REEP1: variants seen among roughly 807,000 people sequenced by gnomAD.
REEP1 encodes receptor expression-enhancing protein 1.
In REEP1, 22 loss-of-function variants were observed where a neutral mutation model predicts 40.3. The ratio of observed to expected loss-of-function variants is 0.55; its 90% CI spans 0.39 to 0.78. REEP1 has a LOEUF of 0.78. REEP1 is among the 30% of genes least tolerant of loss of function. REEP1 has a pLI of 0.00. For missense variants in REEP1, 280 were observed against 361.1 expected (o/e 0.78, Z 1.82); for synonymous variants, 116 against 139.2 (o/e 0.83, Z 1.17).
intron 1 of REEP1, among the ~76,000 whole-genome samples, chr2:86,320,231 A>C (rs2104512655): frequency 6.6e-6 from 1 of 152,358 alleles, no homozygotes; most frequent in Middle Eastern, 3.4e-3. Flanking sequence ...TCCCCTGAAA[A>C]CTTGTAACCA....
At chr2:86,295,690 C>A (rs1227669682) in intron 1 of REEP1, among the ~76,000 whole-genome samples, 2 of 152,120 alleles carry the variant, frequency 1.3e-5, no homozygotes, top group Non-Finnish European at 2.9e-5. Context: ...CAGGCGCCCA[C>A]CACCACGCCC....
chr2:86,288,896 AT>A (rs1424979693), intron 1 of REEP1, among the ~76,000 whole-genome samples: 3 of 152,182 alleles, frequency 2.0e-5, no homozygotes, highest in African/African-American at 7.2e-5. Flanking sequence ...CCTTTTGGCC[AT>A]TTGGGCTGCT....
chr2:86,330,414 GGTGTGT>G (rs55660803), intron 1 of REEP1, among the ~76,000 whole-genome samples: 8,244 of 127,796 alleles, frequency 0.065, 696 homozygotes, highest in African/African-American at 0.19. Context: ...AGTGAATCCT[GGTGTGT>G]GTGTGTGTGT....
intron 5 of REEP1, 70 bp from the exon 6 acceptor site, chr2:86,232,872 A>T (rs1675109876): frequency 1.4e-6 from 2 of 1,479,876 alleles, no homozygotes. Context: ...AAAGGCCAAG[A>T]GGGAGCTCTG....
intron 1 of REEP1, among the ~76,000 whole-genome samples, chr2:86,286,416 A>T (rs986074342): frequency 6.6e-6 from 1 of 152,182 alleles, no homozygotes; most frequent in Non-Finnish European, 1.5e-5. Flanking sequence ...CATCCATTCC[A>T]AAATGTCAAT....
chr2:86,226,395 CT>C, intron 7 of REEP1, among the ~76,000 whole-genome samples: 1 of 65,744 alleles, frequency 1.5e-5, no homozygotes, highest in East Asian at 2.3e-4. Flanking sequence ...TTCAGAGGAC[CT>C]TAGTCCTCTG....
intron 3 of REEP1, among the ~76,000 whole-genome samples, chr2:86,261,388 G>A (rs1036703178): frequency 6.6e-6 from 1 of 152,206 alleles, no homozygotes; most frequent in Non-Finnish European, 1.5e-5. Context: ...TGTACTAAGA[G>A]AAATTCTTCT....
intron 8 of REEP1, among the ~76,000 whole-genome samples, chr2:86,218,473 C>G (rs1377130112): frequency 6.6e-6 from 1 of 152,246 alleles, no homozygotes; most frequent in Non-Finnish European, 1.5e-5. Flanking sequence ...AGCCTTACCA[C>G]TAGGAAATGC....
At chr2:86,227,497 A>G in intron 6 of REEP1, 99 bp from the exon 7 acceptor site, 1 of 972,096 alleles carries the variant, frequency 1.0e-6, no homozygotes, top group Non-Finnish European at 1.3e-6. Flanking sequence ...TGGGGATCCC[A>G]GTGTGTACAA....
rs369674332 is a variant in REEP1 at position 86,252,011 on chromosome 2, G to A, written c.363C>T (p.Phe121=). 2.5e-5 allele frequency: 40 copies of A among 1,614,110 alleles called. No individual in the cohort carries two copies. The highest frequency in any genetic ancestry group is 2.1e-4 in the African/African-American group (16 of 75,042). The change falls in exon 5 of 9, where the codon TTC becomes TTT. Residue 121 remains phenylalanine (F), a synonymous_variant. Transcript: ENST00000538924. ...KDRSYDALVH[F]GKRGLNVAAT... ...CGGCCACGTTCAAGCCCCGCTTCCC[G>A]AAGTGCACAAGGGCATCGTAACTTC...
At chr2:86,227,529 G>A in intron 6 of REEP1, 131 bp from the exon 7 acceptor site, 1 of 690,896 alleles carries the variant, frequency 1.4e-6, no homozygotes, top group Middle Eastern at 4.7e-4. Flanking sequence ...CAGGAAGGTG[G>A]GTCTCTGTAG....
Position 86,220,683 on chromosome 2 carries a change from C to G in REEP1, c.632-562G>C, listed in dbSNP as rs568116832. ...GGAGGCCTTAAGTGATAACCTTAAA[C>G]AAAGCTATATAGTTTTTTTGTTTGT... is the stretch of plus-strand genomic sequence containing the variant. On this transcript the variant is annotated intron_variant, in intron 7 of 8. Coordinates refer to ENST00000538924, the MANE Select transcript of REEP1 (RefSeq NM_001371279.1). Among the ~76,000 whole-genome samples, 33 of 147,524 alleles carry G rather than the reference C, an allele frequency of 2.2e-4. No individual in the cohort carries two copies. The South Asian group carries it at 7.4e-3, about 33-fold the overall frequency.
intron 8 of REEP1, 93 bp from the exon 9 acceptor site, chr2:86,217,203 A>G: frequency 1.8e-6 from 2 of 1,121,340 alleles, no homozygotes; most frequent in Admixed American, 1.7e-5. Context: ...TGAGACTTCC[A>G]GCTCCTTTGG....
chr2:86,319,631 G>A (rs1680192314), intron 1 of REEP1, among the ~76,000 whole-genome samples: 1 of 152,110 alleles, frequency 6.6e-6, no homozygotes, highest in Non-Finnish European at 1.5e-5. Context: ...GGAGGCAATG[G>A]TTGCAGTGAG....
At chr2:86,273,103 T>G (rs1466839738) in intron 2 of REEP1, among the ~76,000 whole-genome samples, 1 of 150,634 alleles carries the variant, frequency 6.6e-6, no homozygotes, top group East Asian at 2.0e-4. Context: ...ATTATACCAC[T>G]GTACTCCAGC....
At chr2:86,289,351 GCTCT>G (rs1402467525) in intron 1 of REEP1, among the ~76,000 whole-genome samples, 2 of 152,104 alleles carry the variant, frequency 1.3e-5, no homozygotes, top group Non-Finnish European at 2.9e-5. Flanking sequence ...ATTATTTTCA[GCTCT>G]CTATTTGACT....
chr2:86,236,901 A>T (rs924030158), intron 5 of REEP1, among the ~76,000 whole-genome samples: 9 of 152,136 alleles, frequency 5.9e-5, no homozygotes, highest in Admixed American at 5.9e-4. Flanking sequence ...CGCCTGGCTA[A>T]TTTTTTGTAT....
intron 1 of REEP1, among the ~76,000 whole-genome samples, chr2:86,293,609 A>C (rs1460065479): frequency 6.6e-6 from 1 of 152,218 alleles, no homozygotes; most frequent in Admixed American, 6.5e-5. Flanking sequence ...TTATACAGAA[A>C]ATTTAATCAG....
rs940636525 is a variant in REEP1, at chr2:86,303,257, C to G, written c.33-21015G>C. 2.7e-5 allele frequency among the ~76,000 whole-genome samples: 4 copies of G among 146,804 alleles called. No homozygotes were observed. In the East Asian group the frequency reaches 8.0e-4, roughly 29 times the overall value. On this transcript the variant is annotated intron_variant, in intron 1 of 8. Transcript: ENST00000538924. ...TTTTGGACAGAGTCTCGCTCTGTTG[C>G]CCAGGCTGGAGTGCAGTGGCATGAT...
Sources: allele counts gnomAD v4.1 joint callset (sites outside exome capture counted in the v4.1 genomes callset), GRCh38; gene constraint gnomAD v4.1.1; transcripts MANE v1.5; gene names NCBI Gene and HGNC (gene_info 2026-07-23, HGNC 2026-07-21).